Variants in CREBBP observed in about 807,000 individuals in gnomAD.
CREBBP encodes the protein CREB-binding protein.
A neutral mutation model predicts 265.0 loss-of-function variants in CREBBP; 19 were observed. The observed-to-expected ratio is 0.07, with a 90% CI of 0.05 to 0.11. The LOEUF is 0.11. CREBBP is among the 10% of genes least tolerant of loss of function. CREBBP has a pLI of 1.00. For missense variants in CREBBP, 2,525 were observed against 3,219.0 expected, an observed-to-expected ratio of 0.78 and a Z score of 5.22; for synonymous variants, 1,457 against 1,223.7, an observed-to-expected ratio of 1.19 and a Z score of -3.98.
At chr16:3,831,550 T>C (rs768427630) in intron 2 of CREBBP, among the ~76,000 whole-genome samples, 1 of 151,382 alleles carries the variant, frequency 6.6e-6, no homozygotes, top group Non-Finnish European at 1.5e-5. Context: ...AAGACAGAAA[T>C]AAATGACATA....
At chr16:3,787,547 C>T (rs1251101149) in intron 5 of CREBBP, among the ~76,000 whole-genome samples, 1 of 152,116 alleles carries the variant, frequency 6.6e-6, no homozygotes, top group Non-Finnish European at 1.5e-5. Flanking sequence ...CTGCTCCACA[C>T]ACACTCACTG....
chr16:3,810,259 C>T (rs2053911165), intron 3 of CREBBP, among the ~76,000 whole-genome samples: 1 of 152,118 alleles, frequency 6.6e-6, no homozygotes, highest in Admixed American at 6.5e-5. Flanking sequence ...CTTCTACTGA[C>T]ATCATCAAGC....
intron 11 of CREBBP, among the ~76,000 whole-genome samples, chr16:3,776,479 G>A (rs757303571): frequency 6.6e-6 from 1 of 152,148 alleles, no homozygotes; most frequent in Non-Finnish European, 1.5e-5. Flanking sequence ...ACCTGGCACA[G>A]GACCTGTGTG....
chr16:3,747,490 G>A (rs576836584), intron 21 of CREBBP, among the ~76,000 whole-genome samples: 3 of 152,252 alleles, frequency 2.0e-5, no homozygotes, highest in East Asian at 3.9e-4. Flanking sequence ...ATGCCGCTCT[G>A]CCCAAGCAGG....
At chr16:3,836,164 G>A (rs532149370) in intron 2 of CREBBP, among the ~76,000 whole-genome samples, 8 of 151,928 alleles carry the variant, frequency 5.3e-5, no homozygotes, top group South Asian at 2.1e-4. Context: ...AGCTGGGCGC[G>A]GTGGCTCACA....
At chr16:3,796,531 T>C (rs2053612121) in intron 3 of CREBBP, among the ~76,000 whole-genome samples, 1 of 152,126 alleles carries the variant, frequency 6.6e-6, no homozygotes, top group East Asian at 1.9e-4. Context: ...GGATTACAGA[T>C]GCCCACCACC....
chr16:3,817,530 G>T (rs1000719943), intron 2 of CREBBP, among the ~76,000 whole-genome samples: 26 of 152,254 alleles, frequency 1.7e-4, no homozygotes, highest in African/African-American at 6.3e-4. Flanking sequence ...AAAAAAGTTA[G>T]TAAATGGAAA....
At position 3,791,984 on chromosome 16, in the gene CREBBP, G is replaced by T. The variant is rs2053517680; in HGVS notation, c.1327C>A (p.Gln443Lys). The T allele has an allele frequency of 1.2e-6, 2 of 1,611,996 alleles. No individual in the cohort carries two copies. Among genetic ancestry groups the T allele is most frequent in the African/African-American group, 1.3e-5 (1 of 74,864 alleles). Reference protein sequence around the residue: ...LKNASDKRNQQTILGSPASGI... With the variant: ...LKNASDKRNQKTILGSPASGI... ...CTCTGCCCCCGTGCTCACTTACTTT[G>T]TTGGTTTCGCTTGTCACTGGCATTT... The change falls in exon 5 of 31, where the codon CAA becomes AAA. Residue 443 changes from glutamine to lysine, a missense_variant. Physicochemically the swap from Gln to Lys is moderately conservative, Grantham distance 53 (BLOSUM62 1). Around this residue, in one of 19 missense-constraint regions of CREBBP, gnomAD observed 48 missense variants for 70.2 expected, o/e 0.68. Transcript: ENST00000262367.
chr16:3,837,599 C>T (rs555044639), intron 2 of CREBBP, among the ~76,000 whole-genome samples: 107 of 151,030 alleles, frequency 7.1e-4, no homozygotes, highest in African/African-American at 2.3e-3. Context: ...CTGGGATACA[C>T]AGCAAGACTG....
intron 3 of CREBBP, among the ~76,000 whole-genome samples, chr16:3,803,030 A>G: frequency 6.6e-6 from 1 of 152,116 alleles, no homozygotes; most frequent in East Asian, 1.9e-4. Flanking sequence ...CATTAAATGT[A>G]CACAGCTGCC....
chr16:3,750,047 C>A (rs1354913386), intron 20 of CREBBP, among the ~76,000 whole-genome samples: 2 of 152,150 alleles, frequency 1.3e-5, no homozygotes, highest in African/African-American at 4.8e-5. Context: ...ACCACCAGGA[C>A]TGGCTAATTT....
At position 3,751,613 on chromosome 16, in the gene CREBBP, T is replaced by C. The variant is rs935973060; in HGVS notation, c.3779+113A>G. On this transcript the variant is annotated intron_variant, in intron 20 of 30. Coordinates refer to ENST00000262367, the MANE Select transcript of CREBBP (RefSeq NM_004380.3). ...CTCAAAAACAAAAAACCAAAAAACA[T>C]TGCAAGGAAGTCAAAATGGCACCGG... The C allele has an allele frequency of 7.4e-6, 8 of 1,084,936 alleles. No homozygotes were observed. In the Admixed American group the frequency reaches 9.1e-5, roughly 12 times the overall value. The allele number at this position is 1,084,936 out of a possible 1,614,324, so 67.2% of individuals were successfully genotyped here.
intron 3 of CREBBP, among the ~76,000 whole-genome samples, chr16:3,800,681 T>C (rs1879570039): frequency 6.6e-6 from 1 of 152,112 alleles, no homozygotes; most frequent in African/African-American, 2.4e-5. Context: ...GAATTGCCAC[T>C]GTACCCCAGC....
At position 3,729,683 on chromosome 16, in the gene CREBBP, G is replaced by A. The variant is rs1482006228; in HGVS notation, c.5364C>T (p.Ala1788=). Reference sequence around the variant, plus strand: ...TCTGGCAGGATGGCAGCGAGCAGTTGGCGTTGCGGCACTGGCACGCGTGCA... The same window carrying A: ...TCTGGCAGGATGGCAGCGAGCAGTTAGCGTTGCGGCACTGGCACGCGTGCA... ...SLVHACQCRN[A]NCSLPSCQKM... The change falls in exon 31 of 31, where the codon GCC becomes GCT. Residue 1788 remains alanine (A), a synonymous_variant. Coordinates refer to ENST00000262367, the MANE Select transcript of CREBBP (RefSeq NM_004380.3). 3 of 1,613,044 alleles carry A rather than the reference G, an allele frequency of 1.9e-6. No homozygotes were observed. Among genetic ancestry groups the A allele is most frequent in the Non-Finnish European group, 2.5e-6 (3 of 1,179,950 alleles).
Position 3,738,692 on chromosome 16 carries a change from G to GT in CREBBP, c.4281-21dup, listed in dbSNP as rs752073883. The stretch of plus-strand genomic sequence containing the variant: ...ACACGCCTGTGGGAAGGAGGCACAT[G>GT]TTTAACTCAGGGTATCCCTCAAATC... On this transcript the variant is annotated intron_variant, in intron 25 of 30. Coordinates refer to ENST00000262367, the MANE Select transcript of CREBBP (RefSeq NM_004380.3). The GT allele has an allele frequency of 2.7e-6, 4 of 1,472,324 alleles. No homozygotes were observed. Among genetic ancestry groups the GT allele is most frequent in the Non-Finnish European group, 3.8e-6 (4 of 1,053,586 alleles). The allele number at this position is 1,472,324 out of a possible 1,614,324, so 91.2% of individuals were successfully genotyped here.
chr16:3,876,960 G>T (rs371898347), intron 1 of CREBBP, among the ~76,000 whole-genome samples: 37 of 152,290 alleles, frequency 2.4e-4, no homozygotes, highest in African/African-American at 8.7e-4. Flanking sequence ...AATGTCGGGT[G>T]CATTTTTCTC....
At chr16:3,835,806 T>G (rs1319203302) in intron 2 of CREBBP, among the ~76,000 whole-genome samples, 1 of 151,798 alleles carries the variant, frequency 6.6e-6, no homozygotes, top group African/African-American at 2.4e-5. Context: ...GGTCTCGATC[T>G]CCTGACCTTG....
In CREBBP at chr16:3,833,320, G is replaced by A. The variant is rs147672678; in HGVS notation, c.798+16977C>T. Among the ~76,000 whole-genome samples, 483 of 152,352 alleles carry A rather than the reference G, an allele frequency of 3.2e-3. 5 individuals are homozygous for A. Among genetic ancestry groups the A allele is most frequent in the African/African-American group, 0.011 (456 of 41,578 alleles). On this transcript the variant is annotated intron_variant, in intron 2 of 30. Transcript: ENST00000262367. ...CCAGTTACTCAGGAGGCTGAGGCAC[G>A]AGAATCGCTTGAGCCCCAGAGGTGG...
chr16:3,772,158 T>G (rs1453061970), intron 13 of CREBBP, among the ~76,000 whole-genome samples: 18 of 150,888 alleles, frequency 1.2e-4, no homozygotes, highest in Admixed American at 1.2e-3. Context: ...TCTTTAACAT[T>G]TTCTAAGCTT....
Sources: allele counts gnomAD v4.1 joint callset (sites outside exome capture counted in the v4.1 genomes callset), GRCh38; gene constraint gnomAD v4.1.1; regional missense constraint gnomAD v4.1.1; transcripts MANE v1.5; gene names NCBI Gene and HGNC (gene_info 2026-07-23, HGNC 2026-07-21).